The following AMBP variants were observed in gnomAD, a reference collection of about 807,000 sequenced individuals.
AMBP encodes protein AMBP.
In AMBP, 37 loss-of-function variants were observed where a neutral mutation model predicts 46.3. That is an observed-to-expected ratio of 0.80 (90% CI 0.61 to 1.05). The LOEUF (loss-of-function observed/expected upper bound fraction) is 1.05, where lower values mean the gene tolerates loss of function less well. Ranked by LOEUF, AMBP falls within the 50% of genes least tolerant of loss-of-function variation. The pLI is 0.00. For missense variants in AMBP, 475 were observed against 461.2 expected, an observed-to-expected ratio of 1.03 and a Z score of -0.27; for synonymous variants, 174 against 175.9, an observed-to-expected ratio of 0.99 and a Z score of 0.09.
intron 6 of AMBP, among the ~76,000 whole-genome samples, chr9:114,063,327 A>G (rs201526963): frequency 0.02 from 3,023 of 152,328 alleles, 44 homozygotes; most frequent in East Asian, 0.073. Context: ...GCAGGATCCC[A>G]GGGCAATTAT....
chr9:114,072,078 CTG>C (rs1380515211), intron 5 of AMBP, among the ~76,000 whole-genome samples: 2 of 152,244 alleles, frequency 1.3e-5, no homozygotes, highest in African/African-American at 4.8e-5. Flanking sequence ...GCAAGGCTAA[CTG>C]TAACACAAAC....
Position 114,074,980 on chromosome 9 carries a change from T to C in AMBP, c.317A>G (p.Lys106Arg), listed in dbSNP as rs752690306. The C allele has an allele frequency of 6.2e-7, 1 of 1,614,090 alleles. No homozygotes were observed. Among genetic ancestry groups the C allele is most frequent in the East Asian group, 2.2e-5 (1 of 44,878 alleles). The change falls in exon 3 of 10, where the codon AAG becomes AGG. Residue 106 changes from lysine (K) to arginine (R), a missense_variant. Transcript: ENST00000265132. ...GAYEKTDTDG[K>R]FLYHKSKWNI... ...CTTACTGGATTTGTGATAGAGAAAC[T>C]TCCCATCAGTATCTGTTTTCTCATA...
rs1846774846 is a variant in AMBP, at chr9:114,074,040, G to C, written c.450C>G (p.Leu150=). The C allele has an allele frequency of 3.7e-6, 6 of 1,613,770 alleles. No homozygotes were observed. The highest frequency in any genetic ancestry group is 1.1e-5 in the South Asian group (1 of 91,062). ...RHHGPTITAK[L]YGRAPQLRET... is the part of the protein sequence containing the mutation. ...CATCTAGTAATGAGCCTTTACCGTA[G>C]AGCTTGGCAGTAATGGTGGGTCCAT... The change falls in exon 4 of 10, where the codon CTC becomes CTG. Residue 150 remains leucine, a synonymous_variant. Transcript: ENST00000265132.
rs143305185 is a variant in AMBP, at chr9:114,076,706, G to A, written c.152C>T (p.Ser51Phe). ...GATCTTCTTCAGCCAGGGGCAGGTG[G>A]AACCGATGGCCAGGTTGTACCACTT... is the stretch of plus-strand genomic sequence containing the variant. ...YGKWYNLAIG[S>F]TCPWLKKIMD... Residue 51 changes from serine (S) to phenylalanine (F), a missense_variant, in exon 2 of 10, where the codon TCC becomes TTC. This residue lies in a region of AMBP where 179 missense variants were observed against 167.4 expected (regional missense o/e 1.07). Transcript: ENST00000265132. 1.3e-4 allele frequency: 203 copies of A among 1,614,016 alleles called. 3 individuals carry two copies. The highest frequency in any genetic ancestry group is 1.2e-3 in the South Asian group (107 of 91,070).
In AMBP at chr9:114,060,995, G is replaced by GC. The variant is rs1474682340; in HGVS notation, c.956dup (p.Cys320LeufsTer23). 3.1e-6 allele frequency: 5 copies of GC among 1,614,126 alleles called. No homozygotes were observed. The highest frequency in any genetic ancestry group is 1.3e-5 in the African/African-American group (1 of 74,950). ...AGAACTTGTTCCCGTTGCCCTGGCA[G>GC]CCCCCGTAGGGGAAGAGGACGCACT... is the stretch of plus-strand genomic sequence containing the variant. On this transcript the variant is annotated frameshift_variant, in exon 9 of 10. Transcript: ENST00000265132. LOFTEE classifies it high-confidence loss of function.
chr9:114,063,791 T>C (rs1055157727), intron 6 of AMBP, among the ~76,000 whole-genome samples: 1 of 152,190 alleles, frequency 6.6e-6, no homozygotes, highest in Non-Finnish European at 1.5e-5. Context: ...TTGTTGAACA[T>C]TAAAATGATG....
chr9:114,075,084 G>A (rs374358169), intron 2 of AMBP, 48 bp from the exon 3 acceptor site: 2 of 1,517,740 alleles, frequency 1.3e-6, no homozygotes, highest in South Asian at 1.1e-5. Context: ...TAGAGATCAT[G>A]GTCCTGACAC....
chr9:114,060,692 ACTC>A (rs1846625348), intron 9 of AMBP, among the ~76,000 whole-genome samples: 1 of 151,940 alleles, frequency 6.6e-6, no homozygotes, highest in Non-Finnish European at 1.5e-5. Flanking sequence ...GCTCTGCCCC[ACTC>A]CTCAGTCAGC....
chr9:114,060,856 T>C (rs1846627689), intron 9 of AMBP, 69 bp downstream of exon 9: 3 of 1,540,910 alleles, frequency 1.9e-6, no homozygotes, highest in East Asian at 4.5e-5. Flanking sequence ...CCCCTACTCC[T>C]CCCAGGGCTC....
intron 6 of AMBP, 85 bp downstream of exon 6, chr9:114,069,614 C>G: frequency 2.2e-6 from 3 of 1,352,366 alleles, no homozygotes; most frequent in Admixed American, 2.0e-5. Context: ...TCTGCCTCCC[C>G]CCGCAGCAGG....
At position 114,060,785 on chromosome 9, in the gene AMBP, C is replaced by G. The variant is rs887895100; in HGVS notation, c.1027+140G>C. The G allele has an allele frequency of 9.6e-6, 10 of 1,038,198 alleles. No homozygotes were observed. The African/African-American group carries it at 1.3e-4, about 13-fold the overall frequency. 64.3% of individuals were successfully genotyped at this position (1,038,198 alleles called of 1,614,324 possible). A position where few individuals can be genotyped will look rare whatever the true frequency, so the allele number is the denominator to read the frequency against. On this transcript the variant is annotated intron_variant, in intron 9 of 9. Coordinates refer to ENST00000265132, the MANE Select transcript of AMBP (RefSeq NM_001633.4). ...CTGGGGTAAGGCCCCAGGCTCAGCC[C>G]CATTTCAGAGAGTAGATGGGCTGCT...
intron 6 of AMBP, among the ~76,000 whole-genome samples, chr9:114,066,567 T>C (rs1227653818): frequency 2.0e-5 from 3 of 152,038 alleles, no homozygotes; most frequent in Non-Finnish European, 2.9e-5. Flanking sequence ...CAGAAACAAA[T>C]TGAGAACCAA....
At chr9:114,068,486 A>G (rs1191170469) in intron 6 of AMBP, among the ~76,000 whole-genome samples, 1 of 151,970 alleles carries the variant, frequency 6.6e-6, no homozygotes, top group Non-Finnish European at 1.5e-5. Context: ...GGCACCTGTA[A>G]TCCCAGCTAC....
chr9:114,066,507 C>T (rs1336616345), intron 6 of AMBP, among the ~76,000 whole-genome samples: 3 of 151,732 alleles, frequency 2.0e-5, no homozygotes, highest in Non-Finnish European at 4.4e-5. Flanking sequence ...TGGGATTATA[C>T]GCATGAGCAA....
intron 3 of AMBP, 105 bp downstream of exon 3, chr9:114,074,855 C>A: frequency 1.0e-6 from 1 of 981,478 alleles, no homozygotes; most frequent in Non-Finnish European, 1.6e-6. Context: ...TAGATGACAT[C>A]TCAGCTAAAT....
At chr9:114,065,218 C>A (rs1443506795) in intron 6 of AMBP, among the ~76,000 whole-genome samples, 1 of 152,118 alleles carries the variant, frequency 6.6e-6, no homozygotes, top group Non-Finnish European at 1.5e-5. Flanking sequence ...CAGAATGTGA[C>A]CTTATTTGGA....
At chr9:114,072,550 G>A (rs1023409458) in intron 5 of AMBP, among the ~76,000 whole-genome samples, 11 of 152,186 alleles carry the variant, frequency 7.2e-5, no homozygotes, top group African/African-American at 2.2e-4. Flanking sequence ...TCAGGCAAAG[G>A]CACCACTGGC....
rs372255857 is a variant in AMBP, at chr9:114,061,001, G to A, written c.951C>T (p.Tyr317=). Residue 317 remains tyrosine, a synonymous_variant, in exon 9 of 10, where the codon TAC becomes TAT. Coordinates refer to ENST00000265132, the MANE Select transcript of AMBP (RefSeq NM_001633.4). ...AVKGKCVLFP[Y]GGCQGNGNKF... Reference sequence around the variant, plus strand: ...TGTTCCCGTTGCCCTGGCAGCCCCCGTAGGGGAAGAGGACGCACTTCCCCT... The same window carrying A: ...TGTTCCCGTTGCCCTGGCAGCCCCCATAGGGGAAGAGGACGCACTTCCCCT... 27 of 1,614,100 alleles carry A rather than the reference G, an allele frequency of 1.7e-5. No homozygotes were observed. The highest frequency in any genetic ancestry group is 6.7e-5 in the African/African-American group (5 of 74,942).
In AMBP at chr9:114,078,197, C is replaced by T. The variant is rs113268476; in HGVS notation, c.13G>A (p.Gly5Arg). 4.3e-4 allele frequency: 693 copies of T among 1,612,546 alleles called. 3 individuals carry two copies. The African/African-American group carries it at 8.0e-3, about 19-fold the overall frequency. Reference protein sequence around the residue: MRSLGALLLLLSACL... With the variant: MRSLRALLLLLSACL... ...GCGCTCAGCAGCAAGAGCAGGGCCC[C>T]GAGGCTCCTCATGGCTATGGGCTCC... The change falls in exon 1 of 10, where the codon GGG becomes AGG. Residue 5 changes from glycine to arginine, a missense_variant. This residue lies in a region of AMBP where 179 missense variants were observed against 167.4 expected (regional missense o/e 1.07). Coordinates refer to ENST00000265132, the MANE Select transcript of AMBP (RefSeq NM_001633.4).
Sources: allele counts gnomAD v4.1 joint callset (sites outside exome capture counted in the v4.1 genomes callset), GRCh38; gene constraint gnomAD v4.1.1; regional missense constraint gnomAD v4.1.1; transcripts MANE v1.5; gene names NCBI Gene and HGNC (gene_info 2026-07-23, HGNC 2026-07-21).